The following PLCZ1 variants were observed in gnomAD, a reference collection of about 807,000 sequenced individuals.
The protein encoded by PLCZ1 is phospholipase C zeta 1.
Under a neutral mutation model 76.8 loss-of-function variants are expected in PLCZ1, and 64 were observed. That is an observed-to-expected ratio of 0.83 (90% CI 0.68 to 1.03). The LOEUF (loss-of-function observed/expected upper bound fraction) is 1.03. Among genes scored for constraint, PLCZ1 ranks in the 50% least tolerant of loss-of-function variants. The pLI is 0.00. For missense variants in PLCZ1, 751 were observed against 713.7 expected (o/e 1.05, Z -0.60); for synonymous variants, 248 against 230.8 (o/e 1.07, Z -0.68).
intron 3 of PLCZ1, 42 bp downstream of exon 3, chr12:18,736,179 T>C: frequency 6.2e-7 from 1 of 1,601,430 alleles, no homozygotes; most frequent in Non-Finnish European, 8.5e-7. Flanking sequence ...TGGATTAAGT[T>C]CCACCTAGGA....
At chr12:18,708,614 C>A (rs1956917916) in intron 6 of PLCZ1, among the ~76,000 whole-genome samples, 1 of 152,144 alleles carries the variant, frequency 6.6e-6, no homozygotes, top group African/African-American at 2.4e-5. Flanking sequence ...TACCAATCTA[C>A]ATTTCCATCA....
At chr12:18,666,330 T>C in the PLCZ1 span, among the ~76,000 whole-genome samples, 1 of 152,028 alleles carries the variant, frequency 6.6e-6, no homozygotes, top group African/African-American at 2.4e-5. Flanking sequence ...ACGATCCAAT[T>C]ATATACTGTC....
chr12:18,664,875 G>A, the PLCZ1 span, among the ~76,000 whole-genome samples: 1 of 151,250 alleles, frequency 6.6e-6, no homozygotes, highest in Non-Finnish European at 1.5e-5. Flanking sequence ...GATGAAATTG[G>A]AAATCATCAT....
At chr12:18,694,086 G>A (rs570143254) in intron 12 of PLCZ1, 209 of 1,173,144 alleles carry the variant, frequency 1.8e-4, no homozygotes, top group Non-Finnish European at 2.5e-4. Flanking sequence ...ACCCCTGAGG[G>A]GCTGTATCTC....
At chr12:18,709,462 C>A (rs1368721083) in intron 6 of PLCZ1, among the ~76,000 whole-genome samples, 1 of 152,026 alleles carries the variant, frequency 6.6e-6, no homozygotes, top group Non-Finnish European at 1.5e-5. Context: ...ATGCCTCCAA[C>A]TTTGTTTTCA....
the PLCZ1 span, among the ~76,000 whole-genome samples, chr12:18,675,289 C>T: frequency 1.1e-4 from 16 of 152,110 alleles, no homozygotes; most frequent in Admixed American, 2.0e-4. Context: ...ATAAACAAAT[C>T]GATGGCTGTT....
intron 6 of PLCZ1, among the ~76,000 whole-genome samples, chr12:18,707,797 G>T (rs1956793473): frequency 6.6e-6 from 1 of 152,096 alleles, no homozygotes; most frequent in African/African-American, 2.4e-5. Context: ...ACCTTGTTCA[G>T]CTGGGAAGTC....
At chr12:18,697,183 C>T (rs1226974049) in intron 10 of PLCZ1, among the ~76,000 whole-genome samples, 5 of 152,102 alleles carry the variant, frequency 3.3e-5, no homozygotes, top group African/African-American at 1.2e-4. Flanking sequence ...AGAATGGTTA[C>T]TGCTTATGGC....
intron 12 of PLCZ1, chr12:18,693,173 C>G: frequency 6.4e-7 from 1 of 1,550,526 alleles, no homozygotes; most frequent in Middle Eastern, 1.9e-4. Flanking sequence ...CAGAACACTA[C>G]ATCAGCATTC....
intron 6 of PLCZ1, among the ~76,000 whole-genome samples, chr12:18,710,940 T>C (rs1047753184): frequency 3.9e-5 from 6 of 152,140 alleles, no homozygotes; most frequent in Admixed American, 1.3e-4. Flanking sequence ...TTGGTTGGAC[T>C]GTAAACTAGT....
the PLCZ1 span, among the ~76,000 whole-genome samples, chr12:18,660,086 C>G: frequency 6.6e-6 from 1 of 152,120 alleles, no homozygotes; most frequent in Non-Finnish European, 1.5e-5. Context: ...CATAATCTGT[C>G]TGAGGTAAAT....
At chr12:18,722,786 G>T (rs74877026) in intron 4 of PLCZ1, among the ~76,000 whole-genome samples, 1 of 151,796 alleles carries the variant, frequency 6.6e-6, no homozygotes, top group African/African-American at 2.4e-5. Flanking sequence ...AAGAACAAGC[G>T]AAAAGTATAT....
chr12:18,702,721 C>G (rs1365911259), intron 7 of PLCZ1, among the ~76,000 whole-genome samples: 1 of 151,822 alleles, frequency 6.6e-6, no homozygotes, highest in African/African-American at 2.4e-5. Context: ...ATAAGGGAAT[C>G]AGAATCTTGA....
At chr12:18,660,922 A>G in the PLCZ1 span, among the ~76,000 whole-genome samples, 1 of 152,150 alleles carries the variant, frequency 6.6e-6, no homozygotes, top group Non-Finnish European at 1.5e-5. Context: ...AATCAAGAAA[A>G]CAAAGCATGA....
Position 18,726,441 on chromosome 12 carries a change from G to A in PLCZ1, c.136-2899C>T, listed in dbSNP as rs565671454. ...GAAATACACCATATGCTTCAAGACC[G>A]TGAACATCATGAAGGTAGACATTTT... is the stretch of plus-strand genomic sequence containing the variant. On this transcript the variant is annotated intron_variant, in intron 3 of 14. Transcript: ENST00000266505. Among the ~76,000 whole-genome samples, 16 of 152,246 alleles carry A rather than the reference G, an allele frequency of 1.1e-4. No homozygotes were observed. In the South Asian group the frequency reaches 2.1e-3, roughly 20 times the overall value.
intron 12 of PLCZ1, chr12:18,694,063 G>T: frequency 7.6e-7 from 1 of 1,308,174 alleles, no homozygotes; most frequent in Non-Finnish European, 1.1e-6. Context: ...TTCTTTATAA[G>T]AAACAGGAAG....
the PLCZ1 span, among the ~76,000 whole-genome samples, chr12:18,647,520 T>C: frequency 1.9e-4 from 29 of 152,154 alleles, no homozygotes; most frequent in Non-Finnish European, 1.0e-4. Context: ...GTTCTCTTTT[T>C]ATTTTTATGA....
chr12:18,717,438 T>C (rs1958115210), intron 5 of PLCZ1, among the ~76,000 whole-genome samples: 1 of 152,204 alleles, frequency 6.6e-6, no homozygotes, highest in African/African-American at 2.4e-5. Context: ...ATCTTTTCTA[T>C]TGATGGTTTT....
the PLCZ1 span, among the ~76,000 whole-genome samples, chr12:18,669,692 C>G: frequency 2.0e-5 from 3 of 151,972 alleles, no homozygotes; most frequent in Non-Finnish European, 4.4e-5. Flanking sequence ...GATTCTCGCT[C>G]TGTCACCCAG....
Sources: allele counts gnomAD v4.1 joint callset (sites outside exome capture counted in the v4.1 genomes callset), GRCh38; gene constraint gnomAD v4.1.1; transcripts MANE v1.5; gene names NCBI Gene and HGNC (gene_info 2026-07-23, HGNC 2026-07-21).